The following NRXN1 variants were observed in gnomAD, a reference collection of about 807,000 sequenced individuals.
NRXN1 encodes neurexin 1.
In NRXN1, 39 loss-of-function variants were observed where a neutral mutation model predicts 150.9. The ratio of observed to expected loss-of-function variants is 0.26; its 90% CI spans 0.20 to 0.34. NRXN1 has a LOEUF of 0.34. Ranked by LOEUF, NRXN1 falls within the 10% of genes least tolerant of loss-of-function variation. The pLI is 1.00. For missense variants in NRXN1, 1,815 were observed against 1,949.9 expected (o/e 0.93, Z 1.30); for synonymous variants, 924 against 757.0 (o/e 1.22, Z -3.62).
At chr2:50,047,977 T>G (rs374014808) in intron 21 of NRXN1, among the ~76,000 whole-genome samples, 4 of 152,076 alleles carry the variant, frequency 2.6e-5, no homozygotes, top group Non-Finnish European at 5.9e-5. Flanking sequence ...AAACCAAGCT[T>G]GCATCTACCA....
intron 17 of NRXN1, among the ~76,000 whole-genome samples, chr2:50,308,928 C>T (rs1277335035): frequency 1.3e-5 from 2 of 152,120 alleles, no homozygotes; most frequent in African/African-American, 4.8e-5. Context: ...GGTTGATAAT[C>T]GTTAAGGTTT....
intron 17 of NRXN1, among the ~76,000 whole-genome samples, chr2:50,300,877 T>A (rs905864018): frequency 2.0e-5 from 3 of 151,996 alleles, no homozygotes; most frequent in Middle Eastern, 3.2e-3. Flanking sequence ...TGTCTTTGTA[T>A]TAGAGAGGGG....
intron 18 of NRXN1, among the ~76,000 whole-genome samples, chr2:50,204,237 T>C (rs1433022139): frequency 6.6e-6 from 1 of 151,988 alleles, no homozygotes; most frequent in African/African-American, 2.4e-5. Context: ...AAGAAATAAA[T>C]GGGTTGGTTT....
At chr2:50,521,450 G>A (rs1188587546) in intron 12 of NRXN1, among the ~76,000 whole-genome samples, 4 of 152,082 alleles carry the variant, frequency 2.6e-5, no homozygotes, top group Admixed American at 2.6e-4. Context: ...AAGTAATTTA[G>A]CCTTTTAGTA....
intron 12 of NRXN1, among the ~76,000 whole-genome samples, chr2:50,507,514 C>T (rs761256367): frequency 6.6e-6 from 1 of 151,442 alleles, no homozygotes; most frequent in Non-Finnish European, 1.5e-5. Flanking sequence ...AAAGTAACTG[C>T]TAGTGAATCT....
chr2:50,100,508 T>C (rs1700844769), intron 18 of NRXN1, among the ~76,000 whole-genome samples: 1 of 152,128 alleles, frequency 6.6e-6, no homozygotes, highest in Non-Finnish European at 1.5e-5. Flanking sequence ...ATCGGTATTT[T>C]AAGATATTCT....
chr2:49,972,260 C>G (rs1678088008), intron 21 of NRXN1, among the ~76,000 whole-genome samples: 1 of 148,250 alleles, frequency 6.7e-6, no homozygotes, highest in Admixed American at 7.1e-5. Context: ...CTGGGGGTGA[C>G]AGAGGGCTTG....
chr2:50,516,236 G>A (rs2092627849), intron 12 of NRXN1, among the ~76,000 whole-genome samples: 1 of 152,164 alleles, frequency 6.6e-6, no homozygotes, highest in Non-Finnish European at 1.5e-5. Flanking sequence ...AAAATGTGGA[G>A]TCCTTATTCA....
intron 9 of NRXN1, among the ~76,000 whole-genome samples, chr2:50,551,050 G>GGAAGAGGAAGAAGAAGAAGAAGAAGAA (rs1335681510): frequency 1.3e-5 from 1 of 79,008 alleles, no homozygotes; most frequent in African/African-American, 7.3e-5. Flanking sequence ...AAGAGGAAGA[G>GGAAGAGGAAGAAGAAGAAGAAGAAGAA]GAAGAAGAAG....
chr2:50,580,730 G>A (rs1672135477), intron 8 of NRXN1, among the ~76,000 whole-genome samples: 1 of 152,140 alleles, frequency 6.6e-6, no homozygotes, highest in Non-Finnish European at 1.5e-5. Flanking sequence ...CTTTGTGGCA[G>A]TCTGGTTCAA....
At chr2:50,787,379 G>T (rs1003096183) in intron 5 of NRXN1, among the ~76,000 whole-genome samples, 1 of 151,940 alleles carries the variant, frequency 6.6e-6, no homozygotes, top group Non-Finnish European at 1.5e-5. Context: ...TGACTATGTG[G>T]TGAAACCCCC....
At chr2:49,943,053 A>ACAG (rs35746425) in intron 22 of NRXN1, among the ~76,000 whole-genome samples, 27,902 of 152,090 alleles carry the variant, frequency 0.18, 2,769 homozygotes, top group East Asian at 0.31. Flanking sequence ...TCAGGGGTCT[A>ACAG]CAGCCACCAC....
At chr2:50,484,150 G>C (rs1448130635) in intron 15 of NRXN1, among the ~76,000 whole-genome samples, 2 of 152,150 alleles carry the variant, frequency 1.3e-5, no homozygotes, top group Non-Finnish European at 2.9e-5. Flanking sequence ...AAAGGACAAA[G>C]TAGTATAAAG....
intron 18 of NRXN1, among the ~76,000 whole-genome samples, chr2:50,222,952 T>C (rs1364312676): frequency 6.6e-6 from 1 of 151,918 alleles, no homozygotes; most frequent in Non-Finnish European, 1.5e-5. Flanking sequence ...CTCCCATCAT[T>C]GTTGTATTAT....
intron 22 of NRXN1, among the ~76,000 whole-genome samples, chr2:49,922,821 AAT>A (rs1300498839): frequency 5.9e-5 from 9 of 152,238 alleles, no homozygotes; most frequent in Non-Finnish European, 1.2e-4. Flanking sequence ...TATAAATAAA[AAT>A]AGACTAATTT....
chr2:50,842,807 A>T lies in NRXN1; in HGVS notation c.832+79062T>A, dbSNP rs556733682. On this transcript the variant is annotated intron_variant, in intron 5 of 22. Transcript: ENST00000401669. ...CCAATATTTTTATTTACAGATTTTC[A>T]TGTAAGTGTGCATTCCCTCCCTTTT... 1.4e-4 allele frequency among the ~76,000 whole-genome samples: 22 copies of T among 152,310 alleles called. No individual in the cohort carries two copies. In the South Asian group the frequency reaches 4.1e-3, roughly 29 times the overall value.
At chr2:50,894,240 AAT>A (rs1559405609) in intron 5 of NRXN1, among the ~76,000 whole-genome samples, 1 of 129,046 alleles carries the variant, frequency 7.7e-6, no homozygotes, top group Non-Finnish European at 1.7e-5. Context: ...AAAGTATAAT[AAT>A]AATAAATAAA....
At chr2:50,502,925 A>G (rs1031137408) in intron 13 of NRXN1, among the ~76,000 whole-genome samples, 1 of 152,142 alleles carries the variant, frequency 6.6e-6, no homozygotes, top group Non-Finnish European at 1.5e-5. Context: ...GGTCTGTATC[A>G]TTCCTCACTA....
chr2:50,835,229 A>T (rs747261797), intron 5 of NRXN1, among the ~76,000 whole-genome samples: 12 of 152,102 alleles, frequency 7.9e-5, no homozygotes, highest in Non-Finnish European at 1.3e-4. Context: ...TCCCAAAAAA[A>T]ATTTAAACTC....
Sources: gnomAD v4.1 joint callset for allele counts (sites outside exome capture counted in the v4.1 genomes callset) on GRCh38, gnomAD v4.1.1 for gene constraint, MANE v1.5 for transcripts, NCBI Gene and HGNC (gene_info 2026-07-23, HGNC 2026-07-21) for gene names.